The following MPDZ variants were observed in gnomAD, a reference collection of about 807,000 sequenced individuals.
The protein encoded by MPDZ is multiple PDZ domain protein.
MPDZ carries 234 observed loss-of-function variants against 239.1 expected under a neutral mutation model. That is an observed-to-expected ratio of 0.98 (90% CI 0.88 to 1.09). The LOEUF is 1.09. Ranked by LOEUF, MPDZ falls within the 50% of genes least tolerant of loss-of-function variation. The pLI is 0.00. For synonymous variants in MPDZ, 1,048 were observed against 881.3 expected (o/e 1.19, Z -3.35); for missense variants, 3,175 against 2,510.0 (o/e 1.26, Z -5.66).
intron 39 of MPDZ, among the ~76,000 whole-genome samples, chr9:13,117,992 G>T (rs1943747852): frequency 6.6e-6 from 1 of 151,784 alleles, no homozygotes; most frequent in Non-Finnish European, 1.5e-5. Flanking sequence ...TTACAGGCAT[G>T]CGCTACCACA....
intron 38 of MPDZ, chr9:13,120,065 C>CGTGAT (rs1482433849): frequency 5.7e-6 from 1 of 174,876 alleles, no homozygotes; most frequent in Non-Finnish European, 1.2e-5. Context: ...GTTGCTATCA[C>CGTGAT]CATCATTAAT....
chr9:13,176,656 G>C (rs1952533926), intron 19 of MPDZ, among the ~76,000 whole-genome samples: 1 of 152,056 alleles, frequency 6.6e-6, no homozygotes, highest in African/African-American at 2.4e-5. Flanking sequence ...GTTCTACTGA[G>C]TTATACTTGT....
At chr9:13,195,035 C>G (rs375354248) in intron 13 of MPDZ, among the ~76,000 whole-genome samples, 1 of 151,980 alleles carries the variant, frequency 6.6e-6, no homozygotes, top group African/African-American at 2.4e-5. Context: ...TGCCTGTAAT[C>G]CCAGCAATTT....
At chr9:13,148,878 T>C (rs1254856200) in intron 25 of MPDZ, among the ~76,000 whole-genome samples, 5 of 151,930 alleles carry the variant, frequency 3.3e-5, no homozygotes, top group Non-Finnish European at 7.4e-5. Flanking sequence ...TACAGTATTT[T>C]AAAACGCACA....
chr9:13,235,826 G>A (rs966798909), intron 3 of MPDZ, among the ~76,000 whole-genome samples: 1 of 152,004 alleles, frequency 6.6e-6, no homozygotes, highest in African/African-American at 2.4e-5. Flanking sequence ...TAAAATTAAA[G>A]ACAGAAAGCA....
intron 10 of MPDZ, among the ~76,000 whole-genome samples, chr9:13,209,486 A>G (rs1054936899): frequency 7.2e-5 from 11 of 152,116 alleles, no homozygotes; most frequent in East Asian, 3.9e-4. Context: ...AAACATCTGG[A>G]AAAAAACCAT....
intron 24 of MPDZ, among the ~76,000 whole-genome samples, chr9:13,151,595 C>CT (rs1441248301): frequency 6.6e-6 from 1 of 151,956 alleles, no homozygotes. Context: ...GTACCAAATT[C>CT]ATAGAGACAG....
At chr9:13,242,878 C>CAAT (rs1454505571) in intron 3 of MPDZ, among the ~76,000 whole-genome samples, 1 of 152,118 alleles carries the variant, frequency 6.6e-6, no homozygotes, top group Non-Finnish European at 1.5e-5. Context: ...TGAACTCTAC[C>CAAT]CATTACCTGT....
intron 3 of MPDZ, among the ~76,000 whole-genome samples, chr9:13,241,359 A>T (rs1965360150): frequency 6.6e-6 from 1 of 152,184 alleles, no homozygotes; most frequent in South Asian, 2.1e-4. Flanking sequence ...CACAAGTAAC[A>T]ACAGCTGGGA....
chr9:13,190,350 C>A, intron 15 of MPDZ, 51 bp from the exon 16 acceptor site: 1 of 1,358,708 alleles, frequency 7.4e-7, no homozygotes, highest in South Asian at 2.1e-5. Context: ...TTAGCTGACA[C>A]ACATACCAAC....
chr9:13,239,898 C>G (rs1007668577), intron 3 of MPDZ, among the ~76,000 whole-genome samples: 3 of 152,032 alleles, frequency 2.0e-5, no homozygotes, highest in Middle Eastern at 3.2e-3. Flanking sequence ...TACAGAATGT[C>G]TTTTCTTTAT....
chr9:13,203,437 G>T (rs1956622439), intron 12 of MPDZ, among the ~76,000 whole-genome samples: 1 of 152,076 alleles, frequency 6.6e-6, no homozygotes, highest in South Asian at 2.1e-4. Flanking sequence ...ACCTTTAGCA[G>T]AACAACTCTC....
At chr9:13,174,288 T>C (rs933415651) in intron 21 of MPDZ, among the ~76,000 whole-genome samples, 1 of 152,168 alleles carries the variant, frequency 6.6e-6, no homozygotes, top group African/African-American at 2.4e-5. Flanking sequence ...TCAATTAGCT[T>C]ACTCTCTTAA....
chr9:13,133,907 G>A lies in MPDZ; in HGVS notation c.4384-3C>T. 1.3e-6 allele frequency: 2 copies of A among 1,512,038 alleles called. No homozygotes were observed. Among genetic ancestry groups the A allele is most frequent in the Non-Finnish European group, 1.8e-6 (2 of 1,123,748 alleles). The allele number at this position is 1,512,038 out of a possible 1,614,324, so 93.7% of individuals were successfully genotyped here. A position where few individuals can be genotyped will look rare whatever the true frequency, so the allele number is the denominator to read the frequency against. On this transcript the variant is annotated splice_region_variant and splice_polypyrimidine_tract_variant and intron_variant, in intron 31 of 46. Transcript: ENST00000319217. ...GAAGTAGTAACAGTTGGCTCTGTCTGACAGAGGGAAAGAAATGACAAAAAG... is the reference window on the plus strand; with the variant it reads ...GAAGTAGTAACAGTTGGCTCTGTCTAACAGAGGGAAAGAAATGACAAAAAG...
intron 32 of MPDZ, among the ~76,000 whole-genome samples, chr9:13,129,263 G>A (rs1474530579): frequency 2.0e-5 from 3 of 152,064 alleles, no homozygotes; most frequent in South Asian, 2.1e-4. Context: ...AGGAGTTCAA[G>A]ACCAGCCTGG....
In MPDZ at chr9:13,205,068, C is replaced by T; in HGVS notation, c.1514G>A (p.Arg505Lys). 6 of 1,463,112 alleles carry T rather than the reference C, an allele frequency of 4.1e-6. No homozygotes were observed. The highest frequency in any genetic ancestry group is 5.4e-6 in the Non-Finnish European group (6 of 1,110,400). 90.6% of individuals were successfully genotyped at this position (1,463,112 alleles called of 1,614,324 possible). A position where few individuals can be genotyped will look rare whatever the true frequency, so the allele number is the denominator to read the frequency against. ...EKDEDFLSST[R>K]NTNILPTEEE... ...TTCAGTTGGTAATATGTTGGTGTTT[C>T]TCGTCGAAGATAAAAAATCTTCATC... The change falls in exon 12 of 47, where the codon AGA (arginine) becomes AAA (lysine). Residue 505 changes from arginine (R) to lysine (K), a missense_variant. Transcript: ENST00000319217.
intron 1 of MPDZ, among the ~76,000 whole-genome samples, chr9:13,274,001 T>C (rs1973598986): frequency 6.6e-6 from 1 of 152,170 alleles, no homozygotes. Context: ...TGAAATCTAT[T>C]GATCAACAGC....
chr9:13,171,452 G>C (rs1951771369), intron 21 of MPDZ, among the ~76,000 whole-genome samples: 1 of 152,074 alleles, frequency 6.6e-6, no homozygotes, highest in African/African-American at 2.4e-5. Context: ...TAAGGGTTGA[G>C]TAATTTCAGA....
chr9:13,209,618 G>A (rs141245872), intron 10 of MPDZ, among the ~76,000 whole-genome samples: 7 of 152,122 alleles, frequency 4.6e-5, no homozygotes, highest in African/African-American at 1.7e-4. Context: ...ACTGAAGATC[G>A]GTGCATGTAT....
Sources: allele counts gnomAD v4.1 joint callset (sites outside exome capture counted in the v4.1 genomes callset), GRCh38; gene constraint gnomAD v4.1.1; transcripts MANE v1.5; gene names NCBI Gene and HGNC (gene_info 2026-07-23, HGNC 2026-07-21).